SCG3: variants seen among roughly 807,000 people sequenced by gnomAD.
The protein encoded by SCG3 is secretogranin III.
In SCG3, 38 loss-of-function variants were observed where a neutral mutation model predicts 56.2. The observed-to-expected ratio is 0.68, with a 90% CI of 0.52 to 0.89. The LOEUF (loss-of-function observed/expected upper bound fraction) is 0.89. SCG3 is among the 40% of genes least tolerant of loss of function. The pLI is 0.00. For missense variants in SCG3, 524 were observed against 540.7 expected, an observed-to-expected ratio of 0.97 and a Z score of 0.31; for synonymous variants, 176 against 184.2, an observed-to-expected ratio of 0.96 and a Z score of 0.36.
intron 10 of SCG3, among the ~76,000 whole-genome samples, chr15:51,703,049 T>C (rs1187006691): frequency 1.3e-5 from 2 of 152,166 alleles, no homozygotes; most frequent in African/African-American, 4.8e-5. Flanking sequence ...AGCCAATTTA[T>C]CATCTGAAAA....
intron 10 of SCG3, among the ~76,000 whole-genome samples, chr15:51,707,691 C>T (rs1415077428): frequency 6.6e-6 from 1 of 152,190 alleles, no homozygotes; most frequent in Admixed American, 6.5e-5. Flanking sequence ...ACTCTTCATC[C>T]AGTGCTCTTC....
rs1206924119 is a variant in SCG3 at position 51,695,941 on chromosome 15, T to C, written c.935T>C (p.Met312Thr). The change falls in exon 8 of 12, where the codon ATG becomes ACG. Residue 312 changes from methionine to threonine, a missense_variant. Transcript: ENST00000220478. Reference protein sequence around the residue: ...IMKTLIDFVKMMVKYGTISPE... With the variant: ...IMKTLIDFVKTMVKYGTISPE... ...AAAACACTGATTGACTTTGTGAAGA[T>C]GATGGTGAAATATGGAACAATATCT... 1.9e-6 allele frequency: 3 copies of C among 1,610,306 alleles called. No individual in the cohort carries two copies. The highest frequency in any genetic ancestry group is 2.2e-5 in the East Asian group (1 of 44,848).
Position 51,719,479 on chromosome 15 carries a change from G to C in SCG3, c.1360G>C (p.Asp454His), listed in dbSNP as rs983983228. The change falls in exon 12 of 12, where the codon GAC (aspartate) becomes CAC (histidine). Residue 454 changes from aspartate (D) to histidine (H), a missense_variant. Physicochemically the swap from Asp to His is moderately conservative, Grantham distance 81. Transcript: ENST00000220478. ...ADAYVEKGIL[D>H]KEEAEAIKRI... ...TGCTTATGTGGAGAAAGGCATCCTT[G>C]ACAAGGAAGAAGCCGAGGCCATCAA... 6.2e-7 allele frequency: 1 copy of C among 1,614,076 alleles called. No homozygotes were observed. The highest frequency in any genetic ancestry group is 1.3e-5 in the African/African-American group (1 of 75,030).
At chr15:51,681,878 C>G (rs74013500) in intron 1 of SCG3, 41 bp downstream of exon 1, 1 of 1,545,422 alleles carries the variant, frequency 6.5e-7, no homozygotes, top group Non-Finnish European at 8.9e-7. Flanking sequence ...CCTTTTATTT[C>G]GCCACGAAAA....
intron 6 of SCG3, among the ~76,000 whole-genome samples, chr15:51,689,950 A>T (rs1007633657): frequency 2.6e-5 from 4 of 152,238 alleles, no homozygotes; most frequent in Admixed American, 2.6e-4. Context: ...ATAATACATA[A>T]TAATATGTGA....
intron 1 of SCG3, among the ~76,000 whole-genome samples, chr15:51,682,286 A>G (rs1352263906): frequency 6.6e-6 from 1 of 152,148 alleles, no homozygotes; most frequent in African/African-American, 2.4e-5. Flanking sequence ...GAAAAAAAAA[A>G]AAGTGTGATT....
intron 7 of SCG3, among the ~76,000 whole-genome samples, chr15:51,694,370 G>A (rs2055288008): frequency 6.6e-6 from 1 of 152,114 alleles, no homozygotes; most frequent in South Asian, 2.1e-4. Context: ...GGATGATTTG[G>A]GTCTGCAGAA....
chr15:51,719,051 C>T (rs2055478330), intron 11 of SCG3, among the ~76,000 whole-genome samples: 1 of 152,108 alleles, frequency 6.6e-6, no homozygotes, highest in African/African-American at 2.4e-5. Flanking sequence ...ATCCTCACCC[C>T]AGACCTACTG....
chr15:51,701,339 C>T, intron 10 of SCG3, 95 bp downstream of exon 10: 4 of 1,276,920 alleles, frequency 3.1e-6, no homozygotes, highest in Non-Finnish European at 4.3e-6. Flanking sequence ...AGCTCCATCA[C>T]ATCTGAGAAA....
At chr15:51,704,242 T>C (rs952595095) in intron 10 of SCG3, among the ~76,000 whole-genome samples, 11 of 81,248 alleles carry the variant, frequency 1.4e-4, no homozygotes, top group Non-Finnish European at 2.4e-4. Context: ...CATACATACA[T>C]ACATATATAT....
At chr15:51,704,913 T>C (rs2055365417) in intron 10 of SCG3, among the ~76,000 whole-genome samples, 2 of 151,630 alleles carry the variant, frequency 1.3e-5, no homozygotes, top group African/African-American at 2.4e-5. Flanking sequence ...CTGTTTTCTG[T>C]AGCAGCTGCA....
At chr15:51,711,178 C>T (rs2055418437) in intron 10 of SCG3, among the ~76,000 whole-genome samples, 2 of 152,238 alleles carry the variant, frequency 1.3e-5, no homozygotes, top group South Asian at 4.1e-4. Context: ...CATCCGTCAT[C>T]AGTTGAAGGC....
At chr15:51,692,630 A>T (rs531788697) in intron 7 of SCG3, among the ~76,000 whole-genome samples, 1 of 152,344 alleles carries the variant, frequency 6.6e-6, no homozygotes, top group South Asian at 2.1e-4. Flanking sequence ...GTGCTGGAAA[A>T]GACCTAGCAC....
chr15:51,694,014 C>T (rs2055285653), intron 7 of SCG3: 1 of 152,196 alleles, frequency 6.6e-6, no homozygotes, highest in African/African-American at 2.4e-5. Flanking sequence ...ACTCTTCTCC[C>T]ATTTTTCCTC....
rs1380933267 is a variant in SCG3 at position 51,689,157 on chromosome 15, T to C, written c.541-62T>C. The stretch of plus-strand genomic sequence containing the variant: ...ATGTTTGACTACAGTTTAGTCCACA[T>C]TATTTTTTAATAACAAGACTGGGAA... On this transcript the variant is annotated intron_variant, in intron 5 of 11. Coordinates refer to ENST00000220478, the MANE Select transcript of SCG3 (RefSeq NM_013243.4). 4.6e-6 allele frequency: 7 copies of C among 1,533,116 alleles called. No individual in the cohort carries two copies. The Admixed American group carries it at 5.4e-5, about 12-fold the overall frequency. 95.0% of individuals were successfully genotyped at this position (1,533,116 alleles called of 1,614,324 possible). A position where few individuals can be genotyped will look rare whatever the true frequency, so the allele number is the denominator to read the frequency against.
At chr15:51,711,181 T>C (rs143113193) in intron 10 of SCG3, among the ~76,000 whole-genome samples, 7 of 152,326 alleles carry the variant, frequency 4.6e-5, no homozygotes, top group East Asian at 1.9e-4. Context: ...CCGTCATCAG[T>C]TGAAGGCTGC....
chr15:51,691,109 G>T (rs1469773560), intron 6 of SCG3, among the ~76,000 whole-genome samples: 3 of 152,202 alleles, frequency 2.0e-5, no homozygotes, highest in Non-Finnish European at 4.4e-5. Flanking sequence ...GAGAACCGAA[G>T]ATCAAATAGG....
rs750419624 is a variant in SCG3, at chr15:51,719,462, T to G, written c.1343T>G (p.Val448Gly). The change falls in exon 12 of 12, where the codon GTG becomes GGG. Residue 448 changes from valine to glycine, a missense_variant. Physicochemically the swap from Val to Gly is moderately radical, Grantham distance 109. Transcript: ENST00000220478. ...ATCAATAAACAAGCTGATGCTTATGTGGAGAAAGGCATCCTTGACAAGGAA... is the reference window on the plus strand; with the variant it reads ...ATCAATAAACAAGCTGATGCTTATGGGGAGAAAGGCATCCTTGACAAGGAA... ...DFINKQADAY[V>G]EKGILDKEEA... 2 of 1,614,128 alleles carry G rather than the reference T, an allele frequency of 1.2e-6. No homozygotes were observed. Among genetic ancestry groups the G allele is most frequent in the Admixed American group, 3.3e-5 (2 of 60,010 alleles).
intron 10 of SCG3, among the ~76,000 whole-genome samples, chr15:51,704,026 T>C (rs1013040398): frequency 5.3e-5 from 8 of 151,672 alleles, no homozygotes; most frequent in African/African-American, 1.7e-4. Context: ...GTTTATGATA[T>C]TGCATCTGGG....
Sources: gnomAD v4.1 joint callset for allele counts (sites outside exome capture counted in the v4.1 genomes callset) on GRCh38, gnomAD v4.1.1 for gene constraint, MANE v1.5 for transcripts, NCBI Gene and HGNC (gene_info 2026-07-23, HGNC 2026-07-21) for gene names.